The following DPYSL2 variants were observed in gnomAD, a reference collection of about 807,000 sequenced individuals.
DPYSL2 encodes dihydropyrimidinase-related protein 2.
In DPYSL2, 13 loss-of-function variants were observed where a neutral mutation model predicts 69.9. The ratio of observed to expected loss-of-function variants is 0.19; its 90% CI spans 0.12 to 0.30. The LOEUF is 0.30. Ranked by LOEUF, DPYSL2 falls within the 10% of genes least tolerant of loss-of-function variation. The probability of loss-of-function intolerance (pLI) is 1.00; values close to 1 mark genes in which losing one functional copy is unlikely to be tolerated. For missense variants in DPYSL2, 587 were observed against 918.9 expected (o/e 0.64, Z 4.67); for synonymous variants, 326 against 359.1 (o/e 0.91, Z 1.04).
rs1270699910 is a variant in DPYSL2 at position 26,591,033 on chromosome 8, C to T, written c.628+7050C>T. 5.3e-5 allele frequency among the ~76,000 whole-genome samples: 8 copies of T among 152,200 alleles called. No homozygotes were observed. The highest frequency in any genetic ancestry group is 2.0e-4 in the Admixed American group (3 of 15,288). On this transcript the variant is annotated intron_variant, in intron 3 of 13. Coordinates refer to ENST00000521913, the MANE Select transcript of DPYSL2 (RefSeq NM_001197293.3). The surrounding 1 kb of genome is among the most constrained non-coding windows in gnomAD (Gnocchi z 5.8). ...ACTGTCCCAGGGTTTCTTGCCCCCA[C>T]CTGGCCCTGGGAGCTGGCAGTTACA...
intron 1 of DPYSL2, among the ~76,000 whole-genome samples, chr8:26,523,174 T>A (rs753373511): frequency 2.6e-4 from 39 of 151,612 alleles, no homozygotes; most frequent in East Asian, 1.5e-3. Flanking sequence ...TATATATTTT[T>A]AAATAATATT....
At chr8:26,602,841 G>A (rs1192639439) in intron 3 of DPYSL2, among the ~76,000 whole-genome samples, 1 of 152,244 alleles carries the variant, frequency 6.6e-6, no homozygotes, top group Non-Finnish European at 1.5e-5. Flanking sequence ...TAAGGTTCCA[G>A]TGGAACAGAG....
intron 1 of DPYSL2, among the ~76,000 whole-genome samples, chr8:26,542,152 G>A (rs1312086500): frequency 4.6e-5 from 7 of 152,088 alleles, no homozygotes; most frequent in Admixed American, 4.6e-4. Context: ...GCCAGGTGTG[G>A]TTGTGCATGT....
At chr8:26,655,575 C>A in intron 13 of DPYSL2, 40 bp from the exon 14 acceptor site, 3 of 1,546,736 alleles carry the variant, frequency 1.9e-6, no homozygotes, top group Non-Finnish European at 2.7e-6. Context: ...TGTGACTGTC[C>A]TGGCCCCTCA....
rs560860549 is a variant in DPYSL2, at chr8:26,591,455, G to C, written c.628+7472G>C. The stretch of plus-strand genomic sequence containing the variant: ...ATGTCCTGGCTGAGTGAGTTGGGCA[G>C]AGACTTCTGAGGACAGCGATCGTGG... On this transcript the variant is annotated intron_variant, in intron 3 of 13. Coordinates refer to ENST00000521913, the MANE Select transcript of DPYSL2 (RefSeq NM_001197293.3). The surrounding 1 kb of genome is among the most constrained non-coding windows in gnomAD (Gnocchi z 5.8). Among the ~76,000 whole-genome samples, 1 of 152,328 alleles carries C rather than the reference G, an allele frequency of 6.6e-6. No homozygotes were observed.
At chr8:26,583,152 A>T (rs1381624165) in intron 2 of DPYSL2, among the ~76,000 whole-genome samples, 1 of 152,230 alleles carries the variant, frequency 6.6e-6, no homozygotes, top group Non-Finnish European at 1.5e-5. Flanking sequence ...CTTTTAAAAA[A>T]TTGGTAGAAA....
At chr8:26,635,014 A>C in intron 8 of DPYSL2, 114 bp downstream of exon 8, 3 of 1,456,860 alleles carry the variant, frequency 2.1e-6, no homozygotes, top group Non-Finnish European at 2.8e-6. Context: ...GGCCACTTGC[A>C]CCATGTTCTG....
rs746940734 is a variant in DPYSL2 at position 26,585,298 on chromosome 8, T to C, written c.628+1315T>C. ...TGGCTTTGGGGTCTATCTGGAAGCTTCTTTTCTATCTTGCCTGAGCTAGAG... is the reference window on the plus strand; with the variant it reads ...TGGCTTTGGGGTCTATCTGGAAGCTCCTTTTCTATCTTGCCTGAGCTAGAG... On this transcript the variant is annotated intron_variant, in intron 3 of 13. Coordinates refer to ENST00000521913, the MANE Select transcript of DPYSL2 (RefSeq NM_001197293.3). This position sits in a 1 kb window ranked among gnomAD's most constrained non-coding sequence, Gnocchi z 4.0. 1.7e-4 allele frequency among the ~76,000 whole-genome samples: 26 copies of C among 152,134 alleles called. No individual in the cohort carries two copies. The highest frequency in any genetic ancestry group is 3.4e-4 in the Non-Finnish European group (23 of 68,010).
At position 26,652,992 on chromosome 8, in the gene DPYSL2, T is replaced by G. The variant is rs1016980017; in HGVS notation, c.1777-240T>G. Among the ~76,000 whole-genome samples, 3 of 152,096 alleles carry G rather than the reference T, an allele frequency of 2.0e-5. No homozygotes were observed. The highest frequency in any genetic ancestry group is 7.2e-5 in the African/African-American group (3 of 41,398). On this transcript the variant is annotated intron_variant, in intron 12 of 13. Coordinates refer to ENST00000521913, the MANE Select transcript of DPYSL2 (RefSeq NM_001197293.3). This position sits in a 1 kb window ranked among gnomAD's most constrained non-coding sequence, Gnocchi z 6.3. ...ATTCTTACAGGGTTTAAAGTTGAAG[T>G]GTCTTGGGGGAAAAATTGTAAGGTG... is the stretch of plus-strand genomic sequence containing the variant.
chr8:26,535,637 T>TATATATATATATATATATA (rs199796205), intron 1 of DPYSL2, among the ~76,000 whole-genome samples: 1 of 144,124 alleles, frequency 6.9e-6, no homozygotes, highest in African/African-American at 2.6e-5. Context: ...ATATATATAT[T>TATATATATATATATATATA]TTTTTTTTCA....
chr8:26,607,822 G>A (rs1016743274), intron 3 of DPYSL2, among the ~76,000 whole-genome samples: 1 of 151,940 alleles, frequency 6.6e-6, no homozygotes, highest in Non-Finnish European at 1.5e-5. Context: ...GCTAATGCCT[G>A]TAATCCCCAC....
At chr8:26,613,843 G>A (rs1168548923) in intron 3 of DPYSL2, among the ~76,000 whole-genome samples, 1 of 152,174 alleles carries the variant, frequency 6.6e-6, no homozygotes, top group Non-Finnish European at 1.5e-5. Flanking sequence ...CATTGAATAT[G>A]AGGGCGGGTG....
intron 1 of DPYSL2, among the ~76,000 whole-genome samples, chr8:26,554,577 A>G (rs920300298): frequency 6.6e-6 from 1 of 152,172 alleles, no homozygotes; most frequent in Non-Finnish European, 1.5e-5. Flanking sequence ...CATCTTCGTC[A>G]TGAAATCTTT....
intron 1 of DPYSL2, chr8:26,577,887 G>A (rs1801392009): frequency 8.8e-7 from 1 of 1,131,572 alleles, no homozygotes; most frequent in African/African-American, 1.7e-5. Flanking sequence ...TTGCCTGAGA[G>A]GAAAGGGAGT....
Position 26,560,431 on chromosome 8 carries a change from T to G in DPYSL2, c.355-21538T>G, listed in dbSNP as rs2129659695. ...CCTCTGCTGGTGGGATGCACCTATC[T>G]GCAGGTCTGGGAAGGTCTGGACCTC... On this transcript the variant is annotated intron_variant, in intron 1 of 13. Transcript: ENST00000521913. This position sits in a 1 kb window ranked among gnomAD's most constrained non-coding sequence, Gnocchi z 4.4. Among the ~76,000 whole-genome samples, 1 of 152,310 alleles carries G rather than the reference T, an allele frequency of 6.6e-6. No homozygotes were observed. Among genetic ancestry groups the G allele is most frequent in the African/African-American group, 2.4e-5 (1 of 41,558 alleles).
chr8:26,599,794 A>T (rs1801951288), intron 3 of DPYSL2, among the ~76,000 whole-genome samples: 1 of 152,206 alleles, frequency 6.6e-6, no homozygotes, highest in Non-Finnish European at 1.5e-5. Flanking sequence ...TCACTCTCTG[A>T]AAGTGTATAA....
At chr8:26,548,344 T>C (rs1585501775) in intron 1 of DPYSL2, 1 of 243,362 alleles carries the variant, frequency 4.1e-6, no homozygotes, top group Non-Finnish European at 8.1e-6. Context: ...TATCATAATT[T>C]CAGAAGCAAC....
intron 1 of DPYSL2, among the ~76,000 whole-genome samples, chr8:26,524,016 C>T (rs1808435139): frequency 6.6e-6 from 1 of 152,202 alleles, no homozygotes; most frequent in Admixed American, 6.5e-5. Context: ...ACCTTGCTTT[C>T]AATTCTTTCG....
chr8:26,546,941 A>G (rs1207946835), intron 1 of DPYSL2, among the ~76,000 whole-genome samples: 3 of 149,956 alleles, frequency 2.0e-5, no homozygotes, highest in Non-Finnish European at 4.5e-5. Flanking sequence ...AAAAAAAAAA[A>G]AAAAAAAAAA....
Sources: gnomAD v4.1 joint callset for allele counts (sites outside exome capture counted in the v4.1 genomes callset) on GRCh38, gnomAD v4.1.1 for gene constraint, Gnocchi (gnomAD v3.1) non-coding constraint, MANE v1.5 for transcripts, NCBI Gene and HGNC (gene_info 2026-07-23, HGNC 2026-07-21) for gene names.